ZNF610: variants seen among roughly 807,000 people sequenced by gnomAD.
ZNF610 encodes zinc finger protein 610.
Under a neutral mutation model 14.1 loss-of-function variants are expected in ZNF610, and 14 were observed. That is an observed-to-expected ratio of 0.99 (90% CI 0.65 to 1.55). The LOEUF (loss-of-function observed/expected upper bound fraction) is 1.55, where lower values mean the gene tolerates loss of function less well. Among genes scored for constraint, ZNF610 ranks in the 40% most tolerant of loss-of-function variants. The pLI is 0.00. For missense variants in ZNF610, 530 were observed against 558.0 expected (o/e 0.95, Z 0.51); for synonymous variants, 185 against 187.6 (o/e 0.99, Z 0.11).
intron 5 of ZNF610, among the ~76,000 whole-genome samples, chr19:52,357,368 G>T (rs145594984): frequency 1.5e-3 from 222 of 152,140 alleles, no homozygotes; most frequent in African/African-American, 5.2e-3. Context: ...AAAATTGGCC[G>T]GGCGCAGTGG....
At chr19:52,358,462 G>A (rs1248721804) in intron 5 of ZNF610, among the ~76,000 whole-genome samples, 1 of 152,220 alleles carries the variant, frequency 6.6e-6, no homozygotes, top group Non-Finnish European at 1.5e-5. Context: ...GATTATAGGC[G>A]TAAGCCACTG....
At chr19:52,352,374 G>A (rs1033609466) in intron 3 of ZNF610, among the ~76,000 whole-genome samples, 1 of 152,082 alleles carries the variant, frequency 6.6e-6, no homozygotes, top group Non-Finnish European at 1.5e-5. Context: ...GAGTAGCTGG[G>A]ATTACAGGCA....
rs79356115 is a variant in ZNF610 at position 52,360,291 on chromosome 19, C to G, written c.320-5407C>G. Reference sequence around the variant, plus strand: ...TCCTGAGTTCTGCCCTGGGGCCTACCGTACCCAACACTATAACAGAAGACT... The same window carrying G: ...TCCTGAGTTCTGCCCTGGGGCCTACGGTACCCAACACTATAACAGAAGACT... On this transcript the variant is annotated intron_variant, in intron 5 of 5. Coordinates refer to ENST00000403906, the MANE Select transcript of ZNF610 (RefSeq NM_001161425.2). Among the ~76,000 whole-genome samples the G allele has an allele frequency of 1.9e-3, 291 of 152,258 alleles. 1 individual carries two copies. The East Asian group carries it at 0.026, about 14-fold the overall frequency.
chr19:52,331,684 A>G (rs962838916), upstream of ZNF610, among the ~76,000 whole-genome samples: 34 of 152,198 alleles, frequency 2.2e-4, no homozygotes, highest in African/African-American at 8.2e-4. Flanking sequence ...TCTAGCACCT[A>G]TTATTCAAAG....
intron 2 of ZNF610, among the ~76,000 whole-genome samples, chr19:52,348,932 G>A (rs140184431): frequency 1.4e-3 from 212 of 152,272 alleles, no homozygotes; most frequent in African/African-American, 4.7e-3. Context: ...CTGCTGTAGC[G>A]TGTGTGCGGG....
At chr19:52,350,053 C>T (rs567988872) in intron 3 of ZNF610, among the ~76,000 whole-genome samples, 2 of 152,228 alleles carry the variant, frequency 1.3e-5, no homozygotes, top group South Asian at 2.1e-4. Context: ...CCCATGGAGA[C>T]TGGTGTTCCT....
rs1986011389 is a variant in ZNF610, at chr19:52,365,978, A to G, written c.600A>G (p.Lys200=). ...PQEEKAYIRG[K]SYEYECSEDG... ...AAGAGAAAGCATACATTAGAGGAAA[A>G]TCTTATGAATATGAATGTAGTGAAG... is the stretch of plus-strand genomic sequence containing the variant. The change falls in exon 6 of 6, where the codon AAA becomes AAG. Residue 200 remains lysine, a synonymous_variant. Transcript: ENST00000403906. 5 of 1,614,026 alleles carry G rather than the reference A, an allele frequency of 3.1e-6. No individual in the cohort carries two copies. The African/African-American group carries it at 5.3e-5, about 17-fold the overall frequency.
chr19:52,349,098 A>T, intron 2 of ZNF610, 56 bp from the exon 3 acceptor site: 1 of 1,297,978 alleles, frequency 7.7e-7, no homozygotes, highest in East Asian at 2.3e-5. Context: ...TGGTTGTGGC[A>T]TAGGGAGGGG....
chr19:52,347,607 C>T (rs1283925056), intron 1 of ZNF610, 100 bp from the exon 2 acceptor site: 1 of 152,224 alleles, frequency 6.6e-6, no homozygotes, highest in Non-Finnish European at 1.5e-5. Flanking sequence ...GCCTCAACCT[C>T]TTAAGTTCAG....
rs940226631 is a variant in ZNF610 at position 52,349,178 on chromosome 19, A to G, written c.6A>G (p.Leu2=). Residue 2 remains leucine, a synonymous_variant, in exon 3 of 6, where the codon CTA becomes CTG. Transcript: ENST00000403906. ...GGATTGACTTATAAACAGTCATGCTATGTGATGAAGAAGCCCAGAAGAGGA... is the reference window on the plus strand; with the variant it reads ...GGATTGACTTATAAACAGTCATGCTGTGTGATGAAGAAGCCCAGAAGAGGA... M[L]CDEEAQKRKA... 3 of 1,613,436 alleles carry G rather than the reference A, an allele frequency of 1.9e-6. No individual in the cohort carries two copies. Among genetic ancestry groups the G allele is most frequent in the Admixed American group, 1.7e-5 (1 of 59,932 alleles).
intron 5 of ZNF610, 40 bp downstream of exon 5, chr19:52,354,419 A>G (rs928708979): frequency 1.9e-6 from 3 of 1,592,072 alleles, no homozygotes; most frequent in Non-Finnish European, 1.7e-6. Context: ...CATAGTTTTT[A>G]TTTTTTTATT....
At chr19:52,359,177 C>G (rs1985666216) in intron 5 of ZNF610, among the ~76,000 whole-genome samples, 1 of 152,168 alleles carries the variant, frequency 6.6e-6, no homozygotes, top group African/African-American at 2.4e-5. Context: ...ATGAAGAAAA[C>G]TTCCTTGGGA....
At chr19:52,355,338 C>CT (rs998357318) in intron 5 of ZNF610, among the ~76,000 whole-genome samples, 2 of 152,182 alleles carry the variant, frequency 1.3e-5, no homozygotes, top group African/African-American at 2.4e-5. Flanking sequence ...ATGAGCTACT[C>CT]TTTTTTGCAT....
intron 3 of ZNF610, among the ~76,000 whole-genome samples, chr19:52,350,355 G>C (rs994342882): frequency 6.6e-6 from 1 of 152,180 alleles, no homozygotes; most frequent in African/African-American, 2.4e-5. Context: ...TCTGTGTCAA[G>C]AGTGAGAGCA....
intron 3 of ZNF610, among the ~76,000 whole-genome samples, chr19:52,351,658 C>T (rs1305733148): frequency 1.3e-5 from 2 of 152,074 alleles, no homozygotes; most frequent in Non-Finnish European, 2.9e-5. Context: ...CCTTTCTGCA[C>T]CTGCTCTGCA....
chr19:52,355,940 C>T (rs568852257), intron 5 of ZNF610, among the ~76,000 whole-genome samples: 3 of 152,300 alleles, frequency 2.0e-5, no homozygotes, highest in African/African-American at 7.2e-5. Context: ...ATCACGTAGG[C>T]GTGATTGATA....
intron 1 of ZNF610, among the ~76,000 whole-genome samples, 182 bp from the exon 2 acceptor site, chr19:52,347,525 A>G (rs971515549): frequency 1.3e-5 from 2 of 152,168 alleles, no homozygotes; most frequent in Non-Finnish European, 2.9e-5. Context: ...GTAAGTATGT[A>G]TTTATTTTTG....
chr19:52,354,580 A>AT (rs201439857), intron 5 of ZNF610, among the ~76,000 whole-genome samples: 1,688 of 123,338 alleles, frequency 0.014, 43 homozygotes, highest in Non-Finnish European at 0.018. Flanking sequence ...AAGCCATACT[A>AT]TTTTTTTTTT....
chr19:52,340,394 A>G (rs1056941164), intron 1 of ZNF610, among the ~76,000 whole-genome samples: 2 of 152,124 alleles, frequency 1.3e-5, no homozygotes, highest in African/African-American at 4.8e-5. Context: ...CATGGGGGAA[A>G]ACACACATTT....
Sources: allele counts gnomAD v4.1 joint callset (sites outside exome capture counted in the v4.1 genomes callset), GRCh38; gene constraint gnomAD v4.1.1; transcripts MANE v1.5; gene names NCBI Gene and HGNC (gene_info 2026-07-23, HGNC 2026-07-21).